The following CCSER1 variants were observed in gnomAD, a reference collection of about 807,000 sequenced individuals.
CCSER1 encodes serine-rich coiled-coil domain-containing protein 1.
In CCSER1, 41 loss-of-function variants were observed where a neutral mutation model predicts 82.0. That is an observed-to-expected ratio of 0.50 (90% confidence interval 0.39 to 0.65). CCSER1 has a LOEUF of 0.65. Among genes scored for constraint, CCSER1 ranks in the 30% least tolerant of loss-of-function variants. CCSER1 has a pLI of 0.00. For missense variants in CCSER1, 1,119 were observed against 1,064.2 expected (o/e 1.05, Z -0.72); for synonymous variants, 414 against 383.9 (o/e 1.08, Z -0.92).
intron 10 of CCSER1, among the ~76,000 whole-genome samples, chr4:91,152,731 C>G (rs1192326965): frequency 6.7e-6 from 1 of 148,722 alleles, no homozygotes; most frequent in Non-Finnish European, 1.5e-5. Flanking sequence ...CAAAATCTCT[C>G]AGCATTTGCT....
chr4:91,425,378 C>T (rs1381411492), intron 10 of CCSER1, among the ~76,000 whole-genome samples: 2 of 151,976 alleles, frequency 1.3e-5, no homozygotes, highest in Admixed American at 6.6e-5. Flanking sequence ...TCAAATCTGT[C>T]GACATCCCAA....
intron 10 of CCSER1, among the ~76,000 whole-genome samples, chr4:91,086,523 C>T (rs1723415059): frequency 6.6e-6 from 1 of 151,824 alleles, no homozygotes; most frequent in East Asian, 1.9e-4. Context: ...TTTTTCCCTG[C>T]TAAATGTATA....
chr4:90,512,368 T>C (rs577958266), intron 5 of CCSER1, among the ~76,000 whole-genome samples: 1 of 149,852 alleles, frequency 6.7e-6, no homozygotes, highest in Non-Finnish European at 1.5e-5. Flanking sequence ...AAATGGTTTA[T>C]AAATTCTTTG....
intron 6 of CCSER1, among the ~76,000 whole-genome samples, chr4:90,697,452 T>A (rs565743987): frequency 3.3e-5 from 5 of 152,204 alleles, no homozygotes; most frequent in African/African-American, 1.2e-4. Flanking sequence ...CTGAGTAAAA[T>A]AAGCAATCTA....
intron 10 of CCSER1, among the ~76,000 whole-genome samples, chr4:91,259,774 T>A (rs920602290): frequency 6.6e-6 from 1 of 152,174 alleles, no homozygotes; most frequent in Non-Finnish European, 1.5e-5. Context: ...CATTAACTCA[T>A]CTTTTTTATG....
At chr4:91,451,960 C>T (rs548851526) in intron 10 of CCSER1, among the ~76,000 whole-genome samples, 1 of 151,924 alleles carries the variant, frequency 6.6e-6, no homozygotes, top group Non-Finnish European at 1.5e-5. Context: ...ACTGGGCCAA[C>T]AATATCTTAG....
chr4:90,459,330 G>T (rs897792859), intron 4 of CCSER1, among the ~76,000 whole-genome samples: 14 of 152,190 alleles, frequency 9.2e-5, no homozygotes, highest in Non-Finnish European at 1.9e-4. Flanking sequence ...TCAGCCATTA[G>T]GTGGGAGTTT....
At chr4:91,215,557 A>AG (rs1267616191) in intron 10 of CCSER1, among the ~76,000 whole-genome samples, 1 of 152,084 alleles carries the variant, frequency 6.6e-6, no homozygotes, top group African/African-American at 2.4e-5. Flanking sequence ...CACAGGAGAG[A>AG]GATGGAGGCC....
chr4:90,425,407 G>C (rs769125880), intron 4 of CCSER1, among the ~76,000 whole-genome samples: 2 of 152,046 alleles, frequency 1.3e-5, no homozygotes, highest in Non-Finnish European at 1.5e-5. Flanking sequence ...TTGTAGCCAT[G>C]TTCTTTTCCA....
intron 9 of CCSER1, among the ~76,000 whole-genome samples, chr4:90,973,483 A>C (rs939034172): frequency 6.6e-6 from 1 of 151,710 alleles, no homozygotes; most frequent in South Asian, 2.1e-4. Flanking sequence ...ACATGTTAAG[A>C]TAACTGCTGT....
intron 10 of CCSER1, among the ~76,000 whole-genome samples, chr4:91,357,868 T>A (rs1300883112): frequency 1.4e-5 from 2 of 141,904 alleles, no homozygotes; most frequent in African/African-American, 5.1e-5. Context: ...TTTACCTAAA[T>A]TCTGCCTGCC....
intron 9 of CCSER1, among the ~76,000 whole-genome samples, chr4:90,999,631 A>T (rs556559607): frequency 6.6e-6 from 1 of 151,718 alleles, no homozygotes; most frequent in East Asian, 1.9e-4. Flanking sequence ...TGGATATTAG[A>T]ACTTTGTTTG....
chr4:91,172,295 C>T (rs1732844664), intron 10 of CCSER1, among the ~76,000 whole-genome samples: 2 of 152,006 alleles, frequency 1.3e-5, no homozygotes, highest in Admixed American at 1.3e-4. Context: ...TTTGTTCAAC[C>T]AGAGTGTTAC....
At chr4:90,321,372 G>A (rs1466367419) in intron 3 of CCSER1, among the ~76,000 whole-genome samples, 2 of 152,108 alleles carry the variant, frequency 1.3e-5, no homozygotes, top group African/African-American at 4.8e-5. Context: ...TCTCATTCAT[G>A]TTGTTGCAAT....
intron 10 of CCSER1, among the ~76,000 whole-genome samples, chr4:91,268,067 G>T (rs1560554865): frequency 6.6e-6 from 1 of 152,140 alleles, no homozygotes; most frequent in Non-Finnish European, 1.5e-5. Flanking sequence ...AAACATATGT[G>T]TTTTCGCATA....
intron 7 of CCSER1, among the ~76,000 whole-genome samples, chr4:90,787,976 A>T (rs1754739481): frequency 6.6e-6 from 1 of 152,328 alleles, no homozygotes; most frequent in Non-Finnish European, 1.5e-5. Flanking sequence ...CACTGACTTA[A>T]GTAGGCAGCT....
chr4:91,104,343 C>T (rs1469468294), intron 10 of CCSER1, among the ~76,000 whole-genome samples: 3 of 152,118 alleles, frequency 2.0e-5, no homozygotes, highest in Non-Finnish European at 4.4e-5. Flanking sequence ...CCTTTTCAAA[C>T]CCTTAATAAA....
At chr4:90,791,011 G>A (rs1476315399) in intron 7 of CCSER1, among the ~76,000 whole-genome samples, 3 of 152,170 alleles carry the variant, frequency 2.0e-5, no homozygotes, top group Admixed American at 2.0e-4. Context: ...ATAAAGAAAA[G>A]AGATTTAATT....
chr4:91,481,356 G>C (rs925071881), intron 10 of CCSER1, among the ~76,000 whole-genome samples: 10 of 151,918 alleles, frequency 6.6e-5, no homozygotes, highest in African/African-American at 2.4e-4. Flanking sequence ...TCTTCTCTCT[G>C]TGTTCTCACG....
Sources: allele counts gnomAD v4.1 joint callset (sites outside exome capture counted in the v4.1 genomes callset), GRCh38; gene constraint gnomAD v4.1.1; transcripts MANE v1.5; gene names NCBI Gene and HGNC (gene_info 2026-07-23, HGNC 2026-07-21).